The following PTPRK variants were observed in gnomAD, a reference collection of about 807,000 sequenced individuals.
PTPRK encodes the protein protein tyrosine phosphatase receptor type K.
A neutral mutation model predicts 178.0 loss-of-function variants in PTPRK; 75 were observed. The ratio of observed to expected loss-of-function variants is 0.42; its 90% CI spans 0.35 to 0.51. PTPRK has a LOEUF of 0.51. Among genes scored for constraint, PTPRK ranks in the 20% least tolerant of loss-of-function variants. The pLI is 0.02. For missense variants in PTPRK, 1,441 were observed against 1,797.8 expected (o/e 0.80, Z 3.59); for synonymous variants, 637 against 620.6 (o/e 1.03, Z -0.39).
intron 13 of PTPRK, among the ~76,000 whole-genome samples, chr6:128,039,527 C>CA (rs771939565): frequency 1.3e-5 from 2 of 151,914 alleles, no homozygotes; most frequent in Non-Finnish European, 2.9e-5. Flanking sequence ...AAACTGGAAT[C>CA]AAAAAAGCCT....
At chr6:128,280,406 T>A (rs555719243) in intron 3 of PTPRK, among the ~76,000 whole-genome samples, 2 of 152,250 alleles carry the variant, frequency 1.3e-5, no homozygotes, top group African/African-American at 4.8e-5. Context: ...ATCACTATCC[T>A]TCTCCTCCTT....
intron 5 of PTPRK, among the ~76,000 whole-genome samples, chr6:128,236,016 C>G (rs1813187680): frequency 6.6e-6 from 1 of 151,886 alleles, no homozygotes; most frequent in Admixed American, 6.6e-5. Flanking sequence ...CTTACTGTGT[C>G]TAATTTATTA....
chr6:128,119,401 C>T (rs1333072774), intron 7 of PTPRK, among the ~76,000 whole-genome samples: 1 of 151,760 alleles, frequency 6.6e-6, no homozygotes, highest in African/African-American at 2.4e-5. Context: ...CAAACATCTC[C>T]TAAAATATAA....
chr6:128,377,918 T>C (rs1394779035), intron 2 of PTPRK, among the ~76,000 whole-genome samples: 1 of 152,144 alleles, frequency 6.6e-6, no homozygotes, highest in East Asian at 1.9e-4. Context: ...TTTAAACACA[T>C]TAGAATTCTT....
chr6:128,033,389 T>C (rs1477594095), intron 13 of PTPRK, among the ~76,000 whole-genome samples: 1 of 152,230 alleles, frequency 6.6e-6, no homozygotes, highest in Non-Finnish European at 1.5e-5. Context: ...TTTAGGACTA[T>C]ATTCAAACTT....
At chr6:128,126,644 A>G (rs1476220412) in intron 7 of PTPRK, among the ~76,000 whole-genome samples, 1 of 152,018 alleles carries the variant, frequency 6.6e-6, no homozygotes, top group Non-Finnish European at 1.5e-5. Flanking sequence ...GCAGCTCCAC[A>G]CTTGGATAAT....
At chr6:128,465,207 C>T (rs1043688056) in intron 1 of PTPRK, among the ~76,000 whole-genome samples, 10 of 151,900 alleles carry the variant, frequency 6.6e-5, no homozygotes, top group African/African-American at 2.2e-4. Context: ...AGTCTTCACA[C>T]ACTAAATCAT....
intron 8 of PTPRK, 34 bp downstream of exon 8, chr6:128,089,655 AT>A: frequency 6.5e-7 from 1 of 1,537,234 alleles, no homozygotes; most frequent in East Asian, 2.3e-5. Flanking sequence ...TTGTTAGAGA[AT>A]TCCCCCCTTT....
At chr6:128,363,233 C>A (rs913792693) in intron 2 of PTPRK, among the ~76,000 whole-genome samples, 2 of 152,092 alleles carry the variant, frequency 1.3e-5, no homozygotes, top group Non-Finnish European at 2.9e-5. Flanking sequence ...ACATGTGTTA[C>A]TTCCTAAATA....
chr6:128,283,294 TAG>T lies in PTPRK; in HGVS notation c.495+38743_495+38744del, dbSNP rs544089490. On this transcript the variant is annotated intron_variant, in intron 3 of 29. Transcript: ENST00000368226. ...GAAACAAAAAGCAGAAGCTCTGAAA[TAG>T]AGTCCATTCTAGTCAACAAACAAGA... Among the ~76,000 whole-genome samples the T allele has an allele frequency of 1.3e-3, 198 of 152,262 alleles. 1 individual carries two copies. Among genetic ancestry groups the T allele is most frequent in the Non-Finnish European group, 2.1e-3 (142 of 68,008 alleles).
At chr6:128,512,323 T>C (rs1384466148) in intron 1 of PTPRK, among the ~76,000 whole-genome samples, 2 of 152,232 alleles carry the variant, frequency 1.3e-5, no homozygotes, top group East Asian at 1.9e-4. Context: ...ATCAAAAATA[T>C]AGAGAACGTT....
intron 7 of PTPRK, among the ~76,000 whole-genome samples, chr6:128,157,567 C>T (rs1798110027): frequency 6.6e-6 from 1 of 151,842 alleles, no homozygotes; most frequent in Non-Finnish European, 1.5e-5. Flanking sequence ...TATTTCTTTT[C>T]CAGTTGCATT....
At position 127,985,872 on chromosome 6, in the gene PTPRK, C is replaced by T; in HGVS notation, c.3100G>A (p.Gly1034Arg). The T allele has an allele frequency of 6.2e-7, 1 of 1,608,902 alleles. No homozygotes were observed. The highest frequency in any genetic ancestry group is 8.5e-7 in the Non-Finnish European group (1 of 1,175,988). ...TTAACTTCACGGATTTCATTGTACC[C>T]CCTCTGTGCAAAGATGGAAAGAAAT... is the stretch of plus-strand genomic sequence containing the variant. ...VVRTFTLERR[G>R]YNEIREVKQF... Residue 1034 changes from glycine to arginine, a missense_variant, in exon 22 of 30, where the codon GGG (glycine) becomes AGG (arginine). Around this residue, in one of 4 missense-constraint regions of PTPRK, gnomAD observed 945 missense variants for 1,080.6 expected, o/e 0.87. Transcript: ENST00000368226.
intron 8 of PTPRK, among the ~76,000 whole-genome samples, chr6:128,088,725 A>G (rs1786391427): frequency 6.6e-6 from 1 of 152,366 alleles, no homozygotes; most frequent in African/African-American, 2.4e-5. Flanking sequence ...GTATGTGAAC[A>G]TTAAAATACT....
chr6:128,228,150 G>GA (rs1036004197), intron 5 of PTPRK, among the ~76,000 whole-genome samples: 11 of 150,062 alleles, frequency 7.3e-5, no homozygotes, highest in Admixed American at 3.3e-4. Context: ...AATAGAGAGG[G>GA]AAAAAAAAGA....
At chr6:128,057,853 C>G (rs1294970761) in intron 13 of PTPRK, among the ~76,000 whole-genome samples, 3 of 152,116 alleles carry the variant, frequency 2.0e-5, no homozygotes, top group African/African-American at 4.8e-5. Context: ...AATCATAATA[C>G]ATCTATATAG....
intron 7 of PTPRK, among the ~76,000 whole-genome samples, chr6:128,151,196 G>C (rs1797194735): frequency 6.6e-6 from 1 of 151,918 alleles, no homozygotes; most frequent in African/African-American, 2.4e-5. Flanking sequence ...AAAGGGAGGA[G>C]GAGTTTTTTT....
At chr6:128,342,925 A>G (rs1831872382) in intron 2 of PTPRK, among the ~76,000 whole-genome samples, 1 of 152,146 alleles carries the variant, frequency 6.6e-6, no homozygotes, top group African/African-American at 2.4e-5. Flanking sequence ...CATTTCTAAA[A>G]AAAAACAATT....
At chr6:128,178,968 C>A (rs1005323594) in intron 7 of PTPRK, among the ~76,000 whole-genome samples, 1 of 151,900 alleles carries the variant, frequency 6.6e-6, no homozygotes, top group African/African-American at 2.4e-5. Context: ...TAGGTGTTGA[C>A]TACCTATACA....
Sources: allele counts gnomAD v4.1 joint callset (sites outside exome capture counted in the v4.1 genomes callset), GRCh38; gene constraint gnomAD v4.1.1; regional missense constraint gnomAD v4.1.1; transcripts MANE v1.5; gene names NCBI Gene and HGNC (gene_info 2026-07-23, HGNC 2026-07-21).